The following NWD1 variants were observed in gnomAD, a reference collection of about 807,000 sequenced individuals.
The protein encoded by NWD1 is NACHT and WD repeat domain containing 1.
A neutral mutation model predicts 135.1 loss-of-function variants in NWD1; 129 were observed. That is an observed-to-expected ratio of 0.96 (90% CI 0.83 to 1.11). NWD1 has a LOEUF of 1.11. NWD1 is among the 50% of genes least tolerant of loss of function. The pLI, the probability that NWD1 is intolerant of heterozygous loss-of-function variation, is 0.00. For synonymous variants in NWD1, 773 were observed against 786.0 expected, an observed-to-expected ratio of 0.98 and a Z score of 0.28; for missense variants, 1,740 against 1,851.3, an observed-to-expected ratio of 0.94 and a Z score of 1.10.
chr19:16,790,646 TAAATA>T (rs1599538428), intron 13 of NWD1, among the ~76,000 whole-genome samples: 7 of 118,446 alleles, frequency 5.9e-5, no homozygotes, highest in South Asian at 2.6e-4. Context: ...AAAAAATAAA[TAAATA>T]AATAAATAAA....
At chr19:16,804,594 G>GT (rs561345788) in intron 17 of NWD1, among the ~76,000 whole-genome samples, 2,487 of 146,168 alleles carry the variant, frequency 0.017, 23 homozygotes, top group South Asian at 0.036. Flanking sequence ...CTGTCTCTCT[G>GT]TTTTTTTTTT....
chr19:16,723,008 A>T (rs1450151062), intron 1 of NWD1, among the ~76,000 whole-genome samples: 1 of 152,028 alleles, frequency 6.6e-6, no homozygotes, highest in African/African-American at 2.4e-5. Context: ...GAAATCTCAC[A>T]CCTGGTCTCT....
At chr19:16,735,512 C>CAAA (rs961533890) in intron 3 of NWD1, among the ~76,000 whole-genome samples, 12 of 130,184 alleles carry the variant, frequency 9.2e-5, no homozygotes, top group African/African-American at 3.4e-4. Flanking sequence ...TCCCCCTGAC[C>CAAA]AAAAAAAAAA....
chr19:16,745,084 G>T, intron 5 of NWD1: 1 of 474,156 alleles, frequency 2.1e-6, no homozygotes. Context: ...CATGGCTGGG[G>T]AGGCCTCACA....
intron 6 of NWD1, among the ~76,000 whole-genome samples, chr19:16,754,057 C>T (rs1222862723): frequency 6.6e-6 from 1 of 150,860 alleles, no homozygotes; most frequent in Admixed American, 6.6e-5. Context: ...ATCCATCCAC[C>T]CATCATCTCG....
intron 12 of NWD1, among the ~76,000 whole-genome samples, chr19:16,781,615 CAA>C (rs528725858): frequency 7.0e-6 from 1 of 142,326 alleles, no homozygotes; most frequent in Non-Finnish European, 1.5e-5. Flanking sequence ...GACCCTATCT[CAA>C]AAAAAAAAGC....
chr19:16,740,642 ATTTTTTTTTTT>A (rs1162769783), intron 4 of NWD1, among the ~76,000 whole-genome samples: 2 of 112,968 alleles, frequency 1.8e-5, no homozygotes, highest in South Asian at 5.6e-4. Flanking sequence ...CCAGACTTCT[ATTTTTTTTTTT>A]TTTTTTTTTT....
In NWD1 at chr19:16,759,315, C is replaced by G. The variant is rs1169511993; in HGVS notation, c.1860C>G (p.Ser620Arg). ...QDVYRDWTPP[S>R]KELLRFPPLL... ...TGTACCGAGATTGGACCCCGCCCAG[C>G]AAGGAGCTGCTGCGCTTCCCGCCCC... The change falls in exon 7 of 19, where the codon AGC becomes AGG. Residue 620 changes from serine (S) to arginine (R), a missense_variant. Coordinates refer to ENST00000524140, the MANE Select transcript of NWD1 (RefSeq NM_001007525.5). The G allele has an allele frequency of 2.5e-6, 4 of 1,614,092 alleles. No individual in the cohort carries two copies. The highest frequency in any genetic ancestry group is 3.4e-6 in the Non-Finnish European group (4 of 1,179,974).
Position 16,779,467 on chromosome 19 carries a change from T to G in NWD1, c.2731+2T>G. 1 of 1,612,558 alleles carries G rather than the reference T, an allele frequency of 6.2e-7. No individual in the cohort carries two copies. The highest frequency in any genetic ancestry group is 8.5e-7 in the Non-Finnish European group (1 of 1,179,852). On this transcript the variant is annotated splice_donor_variant, in intron 12 of 18. Transcript: ENST00000524140. LOFTEE classifies it high-confidence loss of function. Reference sequence around the variant, plus strand: ...TCCACATGCTAACTGGACACACAGGTGAGACTTGGGAAGTGGGCTTTGTGG... The same window carrying G: ...TCCACATGCTAACTGGACACACAGGGGAGACTTGGGAAGTGGGCTTTGTGG...
chr19:16,738,737 T>TAA (rs1252728666), intron 4 of NWD1, among the ~76,000 whole-genome samples: 2 of 141,286 alleles, frequency 1.4e-5, no homozygotes, highest in African/African-American at 5.4e-5. Context: ...AATCTATATA[T>TAA]AATATATATA....
rs1277883110 is a variant in NWD1 at position 16,788,976 on chromosome 19, C to T, written c.2732-6C>T. 5 of 1,608,592 alleles carry T rather than the reference C, an allele frequency of 3.1e-6. No homozygotes were observed. In the South Asian group the frequency reaches 5.5e-5, roughly 18 times the overall value. ...ATATACTCTCCCCTACCCTGGCCTGCTGCAGGAGAGGTGAGGTGTGTGAAA... is the reference window on the plus strand; with the variant it reads ...ATATACTCTCCCCTACCCTGGCCTGTTGCAGGAGAGGTGAGGTGTGTGAAA... On this transcript the variant is annotated splice_polypyrimidine_tract_variant and splice_region_variant and intron_variant, in intron 12 of 18. Coordinates refer to ENST00000524140, the MANE Select transcript of NWD1 (RefSeq NM_001007525.5).
chr19:16,802,996 G>C (rs1970648398), intron 17 of NWD1, among the ~76,000 whole-genome samples: 1 of 151,602 alleles, frequency 6.6e-6, no homozygotes. Flanking sequence ...ATTTGTAAAG[G>C]AAAGAGGTTT....
At chr19:16,727,602 G>A (rs574421970) in intron 2 of NWD1, 117 of 152,896 alleles carry the variant, frequency 7.7e-4, no homozygotes, top group Non-Finnish European at 1.0e-3. Flanking sequence ...CGGCTTCTGC[G>A]GGGTGAAGCC....
In NWD1 at chr19:16,744,646, C is replaced by A. The variant is rs75226566; in HGVS notation, c.424C>A (p.Arg142Ser). 3.9e-6 allele frequency: 6 copies of A among 1,535,532 alleles called. No individual in the cohort carries two copies. In the East Asian group the frequency reaches 1.5e-4, roughly 38 times the overall value. Residue 142 changes from arginine to serine, a missense_variant, in exon 5 of 19, where the codon CGC becomes AGC. By Grantham distance (110) the Arg-to-Ser change is moderately radical (BLOSUM62 -1). Transcript: ENST00000524140. ...PEEATLTSVL[R>S]SGAQEARRLG... ...GGAGGCCACCTTAACTTCTGTCCTA[C>A]GCTCTGGAGCCCAGGAGGCCCGGAG... is the stretch of plus-strand genomic sequence containing the variant.
intron 17 of NWD1, among the ~76,000 whole-genome samples, chr19:16,803,755 TAAAAAAAA>T (rs756016333): frequency 1.6e-5 from 2 of 128,460 alleles, no homozygotes; most frequent in Non-Finnish European, 3.4e-5. Context: ...CAACTCTACT[TAAAAAAAA>T]AAAAAAAAAA....
chr19:16,770,889 GT>G (rs749663333), intron 10 of NWD1, among the ~76,000 whole-genome samples: 1 of 152,170 alleles, frequency 6.6e-6, no homozygotes, highest in Non-Finnish European at 1.5e-5. Context: ...GAAGATGCTG[GT>G]GCCTGCAATC....
At chr19:16,781,181 A>G (rs1969841198) in intron 12 of NWD1, among the ~76,000 whole-genome samples, 1 of 152,124 alleles carries the variant, frequency 6.6e-6, no homozygotes, top group Non-Finnish European at 1.5e-5. Flanking sequence ...AGAGAGATAG[A>G]CGAGGGTCGG....
intron 17 of NWD1, 129 bp downstream of exon 17, chr19:16,800,291 T>C: frequency 3.2e-6 from 3 of 929,196 alleles, no homozygotes; most frequent in Non-Finnish European, 3.2e-6. Context: ...CCCAGGACTT[T>C]GGGAGGCCTT....
At chr19:16,747,592 C>T (rs912362246) in intron 5 of NWD1, among the ~76,000 whole-genome samples, 4 of 151,844 alleles carry the variant, frequency 2.6e-5, no homozygotes, top group African/African-American at 4.8e-5. Context: ...AGGCTGGTCT[C>T]GAACTCCTGA....
Sources: allele counts gnomAD v4.1 joint callset (sites outside exome capture counted in the v4.1 genomes callset), GRCh38; gene constraint gnomAD v4.1.1; transcripts MANE v1.5; gene names NCBI Gene and HGNC (gene_info 2026-07-23, HGNC 2026-07-21).